Variants in ABCA5 observed in about 807,000 individuals in gnomAD.
ABCA5 encodes the protein ATP binding cassette subfamily A member 5, also known as cholesterol transporter ABCA5.
In ABCA5, 163 loss-of-function variants were observed where a neutral mutation model predicts 206.0. The ratio of observed to expected loss-of-function variants is 0.79; its 90% CI spans 0.70 to 0.90. The LOEUF is 0.90. Ranked by LOEUF, ABCA5 falls within the 40% of genes least tolerant of loss-of-function variation. The pLI, the probability that ABCA5 is intolerant of heterozygous loss-of-function variation, is 0.00. For missense variants in ABCA5, 1,859 were observed against 1,912.9 expected (o/e 0.97, Z 0.53); for synonymous variants, 609 against 613.8 (o/e 0.99, Z 0.11).
At chr17:69,266,305 G>A (rs2075206930) in intron 23 of ABCA5, among the ~76,000 whole-genome samples, 1 of 152,018 alleles carries the variant, frequency 6.6e-6, no homozygotes, top group African/African-American at 2.4e-5. Context: ...TGACAGAAAT[G>A]TTCTGTATCT....
chr17:69,252,043 G>A (rs925586167), intron 34 of ABCA5, among the ~76,000 whole-genome samples, 177 bp from the exon 35 acceptor site: 4 of 66,526 alleles, frequency 6.0e-5, no homozygotes, highest in African/African-American at 1.2e-4. Flanking sequence ...ACGGAGTCTC[G>A]CTCTGTCCCC....
chr17:69,248,018 C>A (rs529455278), intron 38 of ABCA5, among the ~76,000 whole-genome samples: 1 of 151,986 alleles, frequency 6.6e-6, no homozygotes, highest in Non-Finnish European at 1.5e-5. Flanking sequence ...TGTATCAAAA[C>A]ATCACTGTAC....
chr17:69,307,145 T>C (rs931876255), intron 5 of ABCA5, among the ~76,000 whole-genome samples, 191 bp from the exon 6 acceptor site: 25 of 152,068 alleles, frequency 1.6e-4, no homozygotes, highest in Non-Finnish European at 2.2e-4. Flanking sequence ...ATTCAATTTA[T>C]TCTAAAAGTA....
At chr17:69,248,533 T>A in intron 37 of ABCA5, 1 of 308,746 alleles carries the variant, frequency 3.2e-6, no homozygotes. Context: ...ATGTTACTTG[T>A]CTTATTTCAC....
At chr17:69,277,143 G>A (rs1391484337) in intron 19 of ABCA5, among the ~76,000 whole-genome samples, 1 of 152,156 alleles carries the variant, frequency 6.6e-6, no homozygotes, top group Non-Finnish European at 1.5e-5. Context: ...AGATCTACTA[G>A]CTATGTAGCC....
chr17:69,298,818 T>C (rs1050320130), intron 9 of ABCA5, among the ~76,000 whole-genome samples: 9 of 152,088 alleles, frequency 5.9e-5, no homozygotes, highest in African/African-American at 2.2e-4. Flanking sequence ...AAAACAAAGA[T>C]AGATAGGACT....
Position 69,253,686 on chromosome 17 carries a change from A to G in ABCA5, c.4321-19T>C. 6.2e-7 allele frequency: 1 copy of G among 1,604,764 alleles called. No individual in the cohort carries two copies. Among genetic ancestry groups the G allele is most frequent in the East Asian group, 2.2e-5 (1 of 44,702 alleles). On this transcript the variant is annotated intron_variant, in intron 33 of 38. Coordinates refer to ENST00000392676, the MANE Select transcript of ABCA5 (RefSeq NM_172232.4). The stretch of plus-strand genomic sequence containing the variant: ...AACACAACTACATGGAAAGAAAAAG[A>G]TGGGTGGGAAATTAACAAAGGTTCA...
chr17:69,304,519 G>T, intron 7 of ABCA5, 150 bp downstream of exon 7: 1 of 621,970 alleles, frequency 1.6e-6, no homozygotes, highest in Non-Finnish European at 2.6e-6. Context: ...ATACAGTGAT[G>T]CCACATCATT....
chr17:69,271,932 T>C (rs2075277916), intron 20 of ABCA5, among the ~76,000 whole-genome samples: 1 of 152,104 alleles, frequency 6.6e-6, no homozygotes, highest in Non-Finnish European at 1.5e-5. Context: ...GAGCCAAGAG[T>C]AAGATTTTAA....
chr17:69,270,125 A>G (rs912436413), intron 22 of ABCA5, among the ~76,000 whole-genome samples: 2 of 152,136 alleles, frequency 1.3e-5, no homozygotes, highest in African/African-American at 4.8e-5. Context: ...AAAGAAGAAG[A>G]TAGAAAATAT....
intron 20 of ABCA5, among the ~76,000 whole-genome samples, chr17:69,273,377 A>G (rs958688721): frequency 2.0e-4 from 30 of 152,042 alleles, no homozygotes; most frequent in Non-Finnish European, 3.1e-4. Flanking sequence ...AGCATAAAAC[A>G]TGCTAGTAAG....
At chr17:69,280,512 G>C (rs1401176654) in intron 18 of ABCA5, among the ~76,000 whole-genome samples, 4 of 151,056 alleles carry the variant, frequency 2.6e-5, no homozygotes, top group East Asian at 3.9e-4. Context: ...AATACCATTT[G>C]ACCCAGCCAT....
intron 23 of ABCA5, among the ~76,000 whole-genome samples, chr17:69,266,258 G>C (rs2075206365): frequency 6.6e-6 from 1 of 152,160 alleles, no homozygotes; most frequent in African/African-American, 2.4e-5. Flanking sequence ...ACAGGTCAGA[G>C]AGGCTAGGAA....
chr17:69,255,624 T>C lies in ABCA5; in HGVS notation c.3987A>G (p.Leu1329=). 6.3e-7 allele frequency: 1 copy of C among 1,580,466 alleles called. No individual in the cohort carries two copies. The highest frequency in any genetic ancestry group is 8.5e-7 in the Non-Finnish European group (1 of 1,170,830). ...ISFCVKKGEI[L]GLLGPNGAGK... Reference sequence around the variant, plus strand: ...CAGCACCATTTGGACCCAATAGTCCTAAGATCTCTCCTAAAGGAATTGAAA... The same window carrying C: ...CAGCACCATTTGGACCCAATAGTCCCAAGATCTCTCCTAAAGGAATTGAAA... The change falls in exon 31 of 39, where the codon TTA becomes TTG. Residue 1329 remains leucine, a synonymous_variant. Coordinates refer to ENST00000392676, the MANE Select transcript of ABCA5 (RefSeq NM_172232.4).
chr17:69,247,454 T>C lies in ABCA5; in HGVS notation c.*83A>G. On this transcript the variant is annotated 3_prime_UTR_variant, in exon 39 of 39. Coordinates refer to ENST00000392676, the MANE Select transcript of ABCA5 (RefSeq NM_172232.4). ...TGCGTTCTTGGTTCTCCAGTTACCA[T>C]TCCAATAAAAAACTTTTTAAACCAA... is the stretch of plus-strand genomic sequence containing the variant. 1 of 890,358 alleles carries C rather than the reference T, an allele frequency of 1.1e-6. No homozygotes were observed. 55.2% of individuals were successfully genotyped at this position (890,358 alleles called of 1,614,324 possible). A position where few individuals can be genotyped will look rare whatever the true frequency, so the allele number is the denominator to read the frequency against.
intron 23 of ABCA5, among the ~76,000 whole-genome samples, chr17:69,266,587 A>AT (rs2075211290): frequency 6.8e-6 from 1 of 147,030 alleles, no homozygotes; most frequent in Admixed American, 6.8e-5. Context: ...TATATATATA[A>AT]ATAAAAAAAT....
Position 69,244,662 on chromosome 17 carries a change from T to C in ABCA5, c.*2875A>G. 1 of 151,690 alleles carries C rather than the reference T, an allele frequency of 6.6e-6. No homozygotes were observed. The highest frequency in any genetic ancestry group is 1.5e-5 in the Non-Finnish European group (1 of 67,760). The allele number at this position is 151,690 out of a possible 1,614,324, so 9.4% of individuals were successfully genotyped here. A position where few individuals can be genotyped will look rare whatever the true frequency, so the allele number is the denominator to read the frequency against. Reference sequence around the variant, plus strand: ...AAAATACATTAAGGATAAACATTTCTATTTCTCAAAAATTAATGCCTATTT... The same window carrying C: ...AAAATACATTAAGGATAAACATTTCCATTTCTCAAAAATTAATGCCTATTT... On this transcript the variant is annotated 3_prime_UTR_variant, in exon 39 of 39. Transcript: ENST00000392676.
rs1048269473 is a variant in ABCA5 at position 69,282,980 on chromosome 17, C to CTT, written c.2392+971_2392+972dup. On this transcript the variant is annotated intron_variant, in intron 18 of 38. Coordinates refer to ENST00000392676, the MANE Select transcript of ABCA5 (RefSeq NM_172232.4). ...TATAACCCAAATATCTGTTCTTTCC[C>CTT]TTTTTTTTTTTTTTTTTTTTTTTTT... is the stretch of plus-strand genomic sequence containing the variant. 4.2e-3 allele frequency among the ~76,000 whole-genome samples: 480 copies of CTT among 112,982 alleles called. 8 individuals carry two copies. The highest frequency in any genetic ancestry group is 0.014 in the African/African-American group (437 of 30,474). The allele number at this position is 112,982 out of a possible 152,430, so 74.1% of individuals were successfully genotyped here. A position where few individuals can be genotyped will look rare whatever the true frequency, so the allele number is the denominator to read the frequency against.
chr17:69,282,454 T>C (rs925090943), intron 18 of ABCA5, among the ~76,000 whole-genome samples: 1 of 152,136 alleles, frequency 6.6e-6, no homozygotes, highest in Non-Finnish European at 1.5e-5. Context: ...TAACTCCAGA[T>C]GCATCTCAAA....
Sources: gnomAD v4.1 joint callset for allele counts (sites outside exome capture counted in the v4.1 genomes callset) on GRCh38, gnomAD v4.1.1 for gene constraint, MANE v1.5 for transcripts, NCBI Gene and HGNC (gene_info 2026-07-23, HGNC 2026-07-21) for gene names.